The following DOCK1 variants were observed in gnomAD, a reference collection of about 807,000 sequenced individuals.
DOCK1 encodes the protein dedicator of cytokinesis 1.
A neutral mutation model predicts 262.7 loss-of-function variants in DOCK1; 138 were observed. The ratio of observed to expected loss-of-function variants is 0.53; its 90% CI spans 0.46 to 0.61. The LOEUF is 0.61. Among genes scored for constraint, DOCK1 ranks in the 20% least tolerant of loss-of-function variants. The pLI, the probability that DOCK1 is intolerant of heterozygous loss-of-function variation, is 0.00. For synonymous variants in DOCK1, 866 were observed against 867.4 expected, an observed-to-expected ratio of 1.00 and a Z score of 0.03; for missense variants, 1,908 against 2,370.7, an observed-to-expected ratio of 0.80 and a Z score of 4.05.
chr10:127,417,713 T>C (rs2068244433), intron 44 of DOCK1, among the ~76,000 whole-genome samples: 1 of 152,132 alleles, frequency 6.6e-6, no homozygotes, highest in Non-Finnish European at 1.5e-5. Flanking sequence ...GTAGCTGGGA[T>C]TACAGGCATG....
chr10:127,006,915 T>A (rs1221543165), intron 10 of DOCK1, among the ~76,000 whole-genome samples: 1 of 152,118 alleles, frequency 6.6e-6, no homozygotes, highest in Admixed American at 6.5e-5. Flanking sequence ...TTCTGGCTCA[T>A]CGTGGGCTGC....
chr10:126,963,640 C>CTTCCTTCCTTCCTTCCTTCCT lies in DOCK1; in HGVS notation c.47-7061_47-7060insTCCTTCCTTCCTTCCTTCCTT, dbSNP rs1478977215. On this transcript the variant is annotated intron_variant, in intron 1 of 51. Transcript: ENST00000623213. ...CTTCCCTTCCCTTCCCTTCCCTTCC[C>CTTCCTTCCTTCCTTCCTTCCT]TCCTTCCTTCCTTCCTTCCTTCCTT... Among the ~76,000 whole-genome samples the CTTCCTTCCTTCCTTCCTTCCT allele has an allele frequency of 1.7e-4, 11 of 65,098 alleles. 1 individual carries two copies. The highest frequency in any genetic ancestry group is 7.3e-4 in the African/African-American group (11 of 15,002). 42.7% of individuals were successfully genotyped at this position (65,098 alleles called of 152,430 possible). A position where few individuals can be genotyped will look rare whatever the true frequency, so the allele number is the denominator to read the frequency against.
chr10:127,215,732 G>A (rs981206803), intron 27 of DOCK1, among the ~76,000 whole-genome samples: 1 of 151,824 alleles, frequency 6.6e-6, no homozygotes, highest in East Asian at 1.9e-4. Flanking sequence ...AAATAAGTAG[G>A]AAAAAAAGTC....
At chr10:127,293,448 G>A (rs1032623435) in intron 29 of DOCK1, among the ~76,000 whole-genome samples, 1 of 152,218 alleles carries the variant, frequency 6.6e-6, no homozygotes. Flanking sequence ...CCAGCACCGG[G>A]TTTTGTGTGT....
chr10:127,363,439 C>T (rs192842365), intron 33 of DOCK1, among the ~76,000 whole-genome samples: 3 of 152,028 alleles, frequency 2.0e-5, no homozygotes, highest in Non-Finnish European at 2.9e-5. Flanking sequence ...ACTGCACTCC[C>T]GCCTAGGTGA....
At chr10:127,432,738 G>A (rs1186541512) in intron 47 of DOCK1, among the ~76,000 whole-genome samples, 1 of 151,260 alleles carries the variant, frequency 6.6e-6, no homozygotes. Flanking sequence ...AGAAGCTTTA[G>A]CAACTTCAGC....
intron 27 of DOCK1, among the ~76,000 whole-genome samples, chr10:127,144,686 A>G (rs376966552): frequency 2.6e-5 from 4 of 152,346 alleles, no homozygotes; most frequent in Non-Finnish European, 5.9e-5. Flanking sequence ...TTAAATATAT[A>G]TGGATCTCAT....
intron 27 of DOCK1, among the ~76,000 whole-genome samples, chr10:127,209,585 G>C (rs935828201): frequency 6.6e-6 from 1 of 152,180 alleles, no homozygotes; most frequent in Non-Finnish European, 1.5e-5. Flanking sequence ...AGAGCTGGGT[G>C]CTTAAAGGGC....
At position 127,193,281 on chromosome 10, in the gene DOCK1, C is replaced by T. The variant is rs373209869; in HGVS notation, c.2848-54727C>T. Among the ~76,000 whole-genome samples the T allele has an allele frequency of 5.9e-5, 9 of 152,182 alleles. No homozygotes were observed. In the South Asian group the frequency reaches 1.0e-3, roughly 18 times the overall value. On this transcript the variant is annotated intron_variant, in intron 27 of 51. Transcript: ENST00000623213. ...GTTTTATCTGGGGAGTTTTTATGAC[C>T]TCACACTCCCAGAATGACGGTGGTT...
Position 127,384,959 on chromosome 10 carries a change from C to T in DOCK1, c.3927+50C>T, listed in dbSNP as rs1006941923. ...TTGTTTTCCTCTTTCCATGCACCTA[C>T]CTGCAGTGTTGTAAACACGTTTTTT... is the stretch of plus-strand genomic sequence containing the variant. On this transcript the variant is annotated intron_variant, in intron 38 of 51. Coordinates refer to ENST00000623213, the MANE Select transcript of DOCK1 (RefSeq NM_001290223.2). 10 of 1,499,724 alleles carry T rather than the reference C, an allele frequency of 6.7e-6. No individual in the cohort carries two copies. In the African/African-American group the frequency reaches 1.3e-4, roughly 19 times the overall value. 92.9% of individuals were successfully genotyped at this position (1,499,724 alleles called of 1,614,324 possible).
intron 29 of DOCK1, among the ~76,000 whole-genome samples, chr10:127,274,125 A>T (rs897797566): frequency 6.6e-6 from 1 of 152,146 alleles, no homozygotes; most frequent in African/African-American, 2.4e-5. Context: ...TCCCAAAAAA[A>T]GTGCATGATG....
intron 29 of DOCK1, among the ~76,000 whole-genome samples, chr10:127,300,291 CT>C (rs1189197569): frequency 6.6e-6 from 1 of 152,222 alleles, no homozygotes; most frequent in Non-Finnish European, 1.5e-5. Flanking sequence ...TCCTGTGCGG[CT>C]TCTCTCCGTT....
In DOCK1 at chr10:126,995,780, AG is replaced by A. The variant is rs1429367482; in HGVS notation, c.474-966del. Among the ~76,000 whole-genome samples the A allele has an allele frequency of 5.3e-5, 8 of 152,266 alleles. No individual in the cohort carries two copies. Among genetic ancestry groups the A allele is most frequent in the Non-Finnish European group, 1.2e-4 (8 of 68,050 alleles). On this transcript the variant is annotated intron_variant, in intron 6 of 51. Coordinates refer to ENST00000623213, the MANE Select transcript of DOCK1 (RefSeq NM_001290223.2). This position sits in a 1 kb window ranked among gnomAD's most constrained non-coding sequence, Gnocchi z 5.8. The stretch of plus-strand genomic sequence containing the variant: ...GGTGACTACATTTAGCCATCTGGCC[AG>A]GAAGTTGCTTAACCTTATTGTAGAT...
chr10:127,067,517 GTA>G (rs1399648677), intron 23 of DOCK1, among the ~76,000 whole-genome samples: 5 of 151,832 alleles, frequency 3.3e-5, no homozygotes, highest in African/African-American at 7.3e-5. Flanking sequence ...TGTGTGCATT[GTA>G]TGTGTGTGTG....
In DOCK1 at chr10:127,425,909, A is replaced by G. The variant is rs1303184684; in HGVS notation, c.4812A>G (p.Gly1604=). 6.2e-7 allele frequency: 1 copy of G among 1,614,056 alleles called. No homozygotes were observed. Among genetic ancestry groups the G allele is most frequent in the Non-Finnish European group, 8.5e-7 (1 of 1,179,900 alleles). The part of the protein sequence containing the change: ...PFLAEGIRIH[G]DKVTEALRPF... Reference sequence around the variant, plus strand: ...TGGCCGAAGGGATCAGAATCCATGGAGACAAAGTCACGGAGGCACTGAGGC... The same window carrying G: ...TGGCCGAAGGGATCAGAATCCATGGGGACAAAGTCACGGAGGCACTGAGGC... Residue 1604 remains glycine (G), a synonymous_variant, in exon 47 of 52, where the codon GGA becomes GGG. Transcript: ENST00000623213.
At position 127,031,583 on chromosome 10, in the gene DOCK1, T is replaced by G. The variant is rs563267102; in HGVS notation, c.1625-67T>G. The stretch of plus-strand genomic sequence containing the variant: ...TTTCATAAAGGTAGCCTTTGTAGCT[T>G]CTTATAATGTTATTTTGTCATGATA... On this transcript the variant is annotated intron_variant, in intron 16 of 51. Transcript: ENST00000623213. 3.6e-5 allele frequency: 46 copies of G among 1,265,792 alleles called. No individual in the cohort carries two copies. The Admixed American group carries it at 5.6e-4, about 15-fold the overall frequency. 78.4% of individuals were successfully genotyped at this position (1,265,792 alleles called of 1,614,324 possible). A position where few individuals can be genotyped will look rare whatever the true frequency, so the allele number is the denominator to read the frequency against.
intron 37 of DOCK1, among the ~76,000 whole-genome samples, chr10:127,383,762 AG>A (rs1028387832): frequency 7.2e-5 from 11 of 152,330 alleles, no homozygotes; most frequent in African/African-American, 2.6e-4. Flanking sequence ...GGCTGAAAAC[AG>A]GGTCAAGCTC....
At chr10:127,024,942 G>A in intron 15 of DOCK1, 159 bp downstream of exon 15, 1 of 573,184 alleles carries the variant, frequency 1.7e-6, no homozygotes, top group Non-Finnish European at 3.0e-6. Flanking sequence ...GAACCACACT[G>A]GTGTTTCTTA....
intron 23 of DOCK1, among the ~76,000 whole-genome samples, chr10:127,082,846 CT>C (rs1197381691): frequency 1.3e-5 from 2 of 152,198 alleles, no homozygotes; most frequent in Non-Finnish European, 2.9e-5. Flanking sequence ...CTTCTTGTCT[CT>C]GTACACAGCC....
Sources: allele counts gnomAD v4.1 joint callset (sites outside exome capture counted in the v4.1 genomes callset), GRCh38; gene constraint gnomAD v4.1.1; non-coding constraint Gnocchi (gnomAD v3.1); transcripts MANE v1.5; gene names NCBI Gene and HGNC (gene_info 2026-07-23, HGNC 2026-07-21).